Variants in PER2 observed in about 807,000 individuals in gnomAD.
The protein encoded by PER2 is period circadian protein homolog 2.
In PER2, 66 loss-of-function variants were observed where a neutral mutation model predicts 121.0. That is an observed-to-expected ratio of 0.55 (90% CI 0.45 to 0.67). PER2 has a LOEUF of 0.67. Ranked by LOEUF, PER2 falls within the 30% of genes least tolerant of loss-of-function variation. The pLI is 0.00. For synonymous variants in PER2, 684 were observed against 659.9 expected (o/e 1.04, Z -0.56); for missense variants, 1,521 against 1,635.0 (o/e 0.93, Z 1.20).
At chr2:238,262,147 C>T in intron 11 of PER2, 44 bp downstream of exon 11, 1 of 1,596,258 alleles carries the variant, frequency 6.3e-7, no homozygotes, top group South Asian at 1.1e-5. Flanking sequence ...CCCGAGACCC[C>T]CGCCCAAGAC....
chr2:238,265,871 T>C (rs1450158005), intron 8 of PER2, among the ~76,000 whole-genome samples: 4 of 152,130 alleles, frequency 2.6e-5, no homozygotes, highest in Non-Finnish European at 4.4e-5. Flanking sequence ...AAGACTACTC[T>C]TAGCAAAATA....
chr2:238,257,138 T>C (rs1695788331), intron 16 of PER2, 52 bp from the exon 17 acceptor site: 2 of 1,560,542 alleles, frequency 1.3e-6, no homozygotes, highest in Admixed American at 1.7e-5. Flanking sequence ...CAATGCACTG[T>C]GCAGATGAGA....
intron 17 of PER2, 23 bp from the exon 18 acceptor site, chr2:238,255,934 T>C (rs534919251): frequency 1.2e-6 from 2 of 1,613,898 alleles, no homozygotes; most frequent in Admixed American, 3.3e-5. Flanking sequence ...AACCCAGGGC[T>C]CTGGTCCACA....
At chr2:238,265,723 C>G in intron 8 of PER2, 133 bp from the exon 9 acceptor site, 1 of 671,408 alleles carries the variant, frequency 1.5e-6, no homozygotes, top group Non-Finnish European at 2.7e-6. Flanking sequence ...AACATGGACT[C>G]TGAACAACAG....
chr2:238,271,846 G>A (rs1236325085), intron 5 of PER2, among the ~76,000 whole-genome samples: 1 of 152,020 alleles, frequency 6.6e-6, no homozygotes, highest in Non-Finnish European at 1.5e-5. Flanking sequence ...TCCCGGACCA[G>A]AGACATACTA....
rs1016896282 is a variant in PER2 at position 238,245,875 on chromosome 2, T to G, written c.*500A>C. The stretch of plus-strand genomic sequence containing the variant: ...TTGAAATAAAACTAGGAGAGGCTGC[T>G]ATCTCCATTTGGTATGTATAAAAAA... On this transcript the variant is annotated 3_prime_UTR_variant, in exon 23 of 23. Coordinates refer to ENST00000254657, the MANE Select transcript of PER2 (RefSeq NM_022817.3). 1 of 383,176 alleles carries G rather than the reference T, an allele frequency of 2.6e-6. No individual in the cohort carries two copies. Among genetic ancestry groups the G allele is most frequent in the African/African-American group, 2.1e-5 (1 of 48,466 alleles). 23.7% of individuals were successfully genotyped at this position (383,176 alleles called of 1,614,324 possible).
chr2:238,285,443 T>C (rs1029785769), intron 1 of PER2, among the ~76,000 whole-genome samples: 6 of 152,346 alleles, frequency 3.9e-5, no homozygotes, highest in African/African-American at 1.4e-4. Flanking sequence ...ATACTCATAC[T>C]TTCCATAATA....
chr2:238,265,451 C>T (rs1696062953), intron 9 of PER2, 61 bp downstream of exon 9: 1 of 1,037,862 alleles, frequency 9.6e-7, no homozygotes, highest in Non-Finnish European at 1.5e-6. Context: ...GCAGTCTTGG[C>T]TTTGGCTAAA....
At chr2:238,256,885 T>C in intron 17 of PER2, 37 bp downstream of exon 17, 4 of 1,600,582 alleles carry the variant, frequency 2.5e-6, no homozygotes, top group Non-Finnish European at 2.6e-6. Flanking sequence ...TGGTTAAAAA[T>C]CAAACTGCTC....
chr2:238,252,999 C>T lies in PER2; in HGVS notation c.3024G>A (p.Gly1008=), dbSNP rs891276705. Residue 1008 remains glycine (G), a synonymous_variant, in exon 19 of 23, where the codon GGG becomes GGA. Transcript: ENST00000254657. This position sits in a 1 kb window ranked among gnomAD's most constrained non-coding sequence, Gnocchi z 4.2. ...EAPEGGTGAM[G]TTGATETAAV... Reference sequence around the variant, plus strand: ...CTGCTGTCTCTGTGGCCCCTGTGGTCCCCATGGCTCCAGTGCCACCCTCAG... The same window carrying T: ...CTGCTGTCTCTGTGGCCCCTGTGGTTCCCATGGCTCCAGTGCCACCCTCAG... The T allele has an allele frequency of 6.2e-7, 1 of 1,613,978 alleles. No individual in the cohort carries two copies. The highest frequency in any genetic ancestry group is 2.2e-5 in the East Asian group (1 of 44,890).
intron 1 of PER2, among the ~76,000 whole-genome samples, chr2:238,284,970 T>C (rs1055553912): frequency 6.7e-6 from 1 of 149,702 alleles, no homozygotes; most frequent in East Asian, 2.0e-4. Flanking sequence ...GGACCAGCTG[T>C]TCCTGGGGAG....
chr2:238,260,429 T>C (rs530209726), intron 13 of PER2, among the ~76,000 whole-genome samples: 2 of 152,238 alleles, frequency 1.3e-5, no homozygotes, highest in South Asian at 2.1e-4. Context: ...GCAATTTTTG[T>C]ATTTTTAGTA....
chr2:238,276,007 T>G (rs1346322692), intron 3 of PER2, 110 bp from the exon 4 acceptor site: 2 of 898,232 alleles, frequency 2.2e-6, no homozygotes, highest in African/African-American at 3.3e-5. Context: ...GATGTTCTGG[T>G]CTGGGTGGCC....
chr2:238,266,957 G>A (rs1696132136), intron 8 of PER2, among the ~76,000 whole-genome samples: 1 of 151,546 alleles, frequency 6.6e-6, no homozygotes, highest in Admixed American at 6.6e-5. Flanking sequence ...GCTGAGGCAG[G>A]AGAATTGTAG....
chr2:238,284,577 C>G lies in PER2; in HGVS notation c.-20+3772G>C, dbSNP rs552165875. On this transcript the variant is annotated intron_variant, in intron 1 of 22. Coordinates refer to ENST00000254657, the MANE Select transcript of PER2 (RefSeq NM_022817.3). ...TCTTATATTTAAAGGACTAAGAACTCAGTGCCACCTCCAGCCCAGGCAGTC... is the reference window on the plus strand; with the variant it reads ...TCTTATATTTAAAGGACTAAGAACTGAGTGCCACCTCCAGCCCAGGCAGTC... Among the ~76,000 whole-genome samples the G allele has an allele frequency of 3.9e-5, 6 of 152,306 alleles. No homozygotes were observed. The South Asian group carries it at 1.2e-3, about 32-fold the overall frequency.
intron 10 of PER2, 24 bp from the exon 11 acceptor site, chr2:238,262,368 CA>C (rs775619744): frequency 1.9e-6 from 3 of 1,613,438 alleles, no homozygotes; most frequent in Admixed American, 3.3e-5. Flanking sequence ...AGCCAGCATT[CA>C]GGGGAAAAGG....
At chr2:238,270,982 C>T (rs1347558826) in intron 6 of PER2, among the ~76,000 whole-genome samples, 2 of 152,230 alleles carry the variant, frequency 1.3e-5, no homozygotes, top group Non-Finnish European at 2.9e-5. Flanking sequence ...AGCAGGGTGC[C>T]TTGCTCACGC....
chr2:238,277,532 G>A (rs768762179), intron 2 of PER2, among the ~76,000 whole-genome samples, 175 bp downstream of exon 2: 4 of 152,202 alleles, frequency 2.6e-5, no homozygotes, highest in South Asian at 2.1e-4. Flanking sequence ...CTGCGAACTC[G>A]ACAGGGCCTC....
At chr2:238,255,990 G>A (rs1221206825) in intron 17 of PER2, 79 bp from the exon 18 acceptor site, 5 of 1,538,356 alleles carry the variant, frequency 3.3e-6, no homozygotes, top group African/African-American at 1.4e-5. Flanking sequence ...TCACGAACAA[G>A]ACAAATCATT....
Sources: gnomAD v4.1 joint callset for allele counts (sites outside exome capture counted in the v4.1 genomes callset) on GRCh38, gnomAD v4.1.1 for gene constraint, Gnocchi (gnomAD v3.1) non-coding constraint, MANE v1.5 for transcripts, NCBI Gene and HGNC (gene_info 2026-07-23, HGNC 2026-07-21) for gene names.